PAG1: variants seen among roughly 807,000 people sequenced by gnomAD.
PAG1 encodes the protein phosphoprotein associated with glycosphingolipid-enriched microdomains 1.
PAG1 carries 23 observed loss-of-function variants against 31.7 expected under a neutral mutation model. The ratio of observed to expected loss-of-function variants is 0.73; its 90% CI spans 0.52 to 1.03. PAG1 has a LOEUF of 1.03. Among genes scored for constraint, PAG1 ranks in the 50% least tolerant of loss-of-function variants. PAG1 has a pLI of 0.00. For synonymous variants in PAG1, 214 were observed against 210.3 expected (o/e 1.02, Z -0.15); for missense variants, 473 against 540.7 (o/e 0.87, Z 1.24).
chr8:80,992,767 C>A (rs1019457446), intron 4 of PAG1, among the ~76,000 whole-genome samples: 1 of 152,168 alleles, frequency 6.6e-6, no homozygotes, highest in Non-Finnish European at 1.5e-5. Flanking sequence ...AGATGCGCAT[C>A]ACACAAGATT....
intron 2 of PAG1, chr8:81,067,684 G>A (rs535659130): frequency 2.0e-5 from 3 of 152,314 alleles, no homozygotes; most frequent in Admixed American, 2.0e-4. Context: ...TTTTCACAGT[G>A]GAGACAGTTG....
chr8:80,979,376 T>C (rs1807251427), intron 8 of PAG1, among the ~76,000 whole-genome samples: 1 of 152,046 alleles, frequency 6.6e-6, no homozygotes, highest in South Asian at 2.1e-4. Flanking sequence ...CGCAGTGGGC[T>C]TGAGGGAGGT....
At chr8:81,044,950 T>TCC (rs1808616755) in intron 2 of PAG1, among the ~76,000 whole-genome samples, 1 of 152,158 alleles carries the variant, frequency 6.6e-6, no homozygotes, top group Non-Finnish European at 1.5e-5. Flanking sequence ...GCTGTCCTTG[T>TCC]AAGTGCCCCC....
At chr8:81,096,576 A>G (rs1809532421) in intron 1 of PAG1, among the ~76,000 whole-genome samples, 2 of 152,230 alleles carry the variant, frequency 1.3e-5, no homozygotes, top group African/African-American at 4.8e-5. Flanking sequence ...CTTGCAAGTG[A>G]AAAGTGAAGT....
At chr8:81,038,451 T>C (rs1483778618) in intron 2 of PAG1, among the ~76,000 whole-genome samples, 1 of 152,100 alleles carries the variant, frequency 6.6e-6, no homozygotes, top group Non-Finnish European at 1.5e-5. Flanking sequence ...GAGAGAGACA[T>C]TTAAGCTCTG....
At chr8:81,110,740 A>G (rs950874000) in intron 1 of PAG1, among the ~76,000 whole-genome samples, 1 of 152,252 alleles carries the variant, frequency 6.6e-6, no homozygotes, top group African/African-American at 2.4e-5. Context: ...CTTGAAAAAT[A>G]TAGTGGGTTG....
intron 1 of PAG1, among the ~76,000 whole-genome samples, chr8:81,091,937 C>G (rs1489553109): frequency 2.7e-5 from 4 of 150,132 alleles, no homozygotes; most frequent in Admixed American, 2.7e-4. Context: ...GAGTTCAACC[C>G]TGTAGTAAGC....
chr8:81,087,360 A>G, intron 1 of PAG1, among the ~76,000 whole-genome samples: 1 of 144,442 alleles, frequency 6.9e-6, no homozygotes. Context: ...AAAAAAAAAA[A>G]GAATTTTAGA....
chr8:81,067,061 C>A (rs1809020647), intron 2 of PAG1, among the ~76,000 whole-genome samples: 1 of 152,264 alleles, frequency 6.6e-6, no homozygotes, highest in East Asian at 1.9e-4. Context: ...ACCTGGAAGG[C>A]TGAAGTAGGA....
intron 1 of PAG1, among the ~76,000 whole-genome samples, chr8:81,093,679 G>A (rs918722913): frequency 2.6e-4 from 40 of 151,858 alleles, no homozygotes; most frequent in Non-Finnish European, 7.4e-5. Context: ...TGACCACCAA[G>A]ACCAAGCAGC....
At chr8:81,007,599 T>G (rs1430830917) in intron 3 of PAG1, among the ~76,000 whole-genome samples, 1 of 119,548 alleles carries the variant, frequency 8.4e-6, no homozygotes, top group African/African-American at 3.2e-5. Flanking sequence ...ATCGTGCCAC[T>G]GCATCCCAGC....
In PAG1 at chr8:80,993,123, G is replaced by A; in HGVS notation, c.105C>T (p.Phe35=). ...CTCACCTGTCACAACTAGAGCACAG[G>A]AAGATGAGGAAGGTGATGACGAAGA... The part of the protein sequence containing the change: ...AIFFVITFLI[F]LCSSCDREKK... The change falls in exon 4 of 9, where the codon TTC becomes TTT. Residue 35 remains phenylalanine, a synonymous_variant. Transcript: ENST00000220597. 6.2e-7 allele frequency: 1 copy of A among 1,613,776 alleles called. No homozygotes were observed.
intron 2 of PAG1, among the ~76,000 whole-genome samples, chr8:81,065,464 A>G (rs1000590964): frequency 6.6e-6 from 1 of 152,212 alleles, no homozygotes; most frequent in Admixed American, 6.5e-5. Flanking sequence ...GAAAAAAACA[A>G]CAATATAAAC....
intron 1 of PAG1, among the ~76,000 whole-genome samples, chr8:81,095,955 TAAAG>T: frequency 6.6e-6 from 1 of 152,246 alleles, no homozygotes; most frequent in Non-Finnish European, 1.5e-5. Flanking sequence ...CGGACTCCAT[TAAAG>T]AAGGCTGGCA....
At chr8:81,013,764 G>A (rs1284779056) in intron 3 of PAG1, among the ~76,000 whole-genome samples, 2 of 152,118 alleles carry the variant, frequency 1.3e-5, no homozygotes, top group Non-Finnish European at 2.9e-5. Context: ...ATTTTTTGTA[G>A]AGACAGGGTT....
chr8:81,029,313 C>G (rs1222383866), intron 3 of PAG1, among the ~76,000 whole-genome samples: 1 of 151,880 alleles, frequency 6.6e-6, no homozygotes, highest in Non-Finnish European at 1.5e-5. Flanking sequence ...TCCTCTGAAA[C>G]CTATAGTATC....
At chr8:81,030,489 T>C (rs1056429480) in intron 2 of PAG1, among the ~76,000 whole-genome samples, 3 of 152,240 alleles carry the variant, frequency 2.0e-5, no homozygotes, top group African/African-American at 7.2e-5. Context: ...AAGTGATTTA[T>C]TTGAAAAGAG....
At chr8:80,980,326 G>A (rs778800467) in intron 8 of PAG1, 109 bp downstream of exon 8, 1 of 675,910 alleles carries the variant, frequency 1.5e-6, no homozygotes, top group Non-Finnish European at 2.6e-6. Flanking sequence ...CATAGGCATA[G>A]GAGAATATTT....
At chr8:81,095,013 G>A (rs1809503299) in intron 1 of PAG1, among the ~76,000 whole-genome samples, 1 of 152,208 alleles carries the variant, frequency 6.6e-6, no homozygotes, top group African/African-American at 2.4e-5. Flanking sequence ...ATATTAAAGT[G>A]AAAGTACAGT....
Sources: allele counts gnomAD v4.1 joint callset (sites outside exome capture counted in the v4.1 genomes callset), GRCh38; gene constraint gnomAD v4.1.1; transcripts MANE v1.5; gene names NCBI Gene and HGNC (gene_info 2026-07-23, HGNC 2026-07-21).